Variants in RAD50 observed in about 807,000 individuals in gnomAD.
RAD50 encodes DNA repair protein RAD50.
RAD50 carries 132 observed loss-of-function variants against 168.8 expected under a neutral mutation model. The observed-to-expected ratio is 0.78, with a 90% CI of 0.68 to 0.90. The LOEUF (loss-of-function observed/expected upper bound fraction) is 0.90. Among genes scored for constraint, RAD50 ranks in the 40% least tolerant of loss-of-function variants. The probability of loss-of-function intolerance (pLI) is 0.00; values close to 1 mark genes in which losing one functional copy is unlikely to be tolerated. For missense variants in RAD50, 1,347 were observed against 1,534.4 expected (o/e 0.88, Z 2.04); for synonymous variants, 525 against 497.4 (o/e 1.06, Z -0.74).
chr5:132,607,404 T>A lies in RAD50; in HGVS notation c.2719-1211T>A, dbSNP rs140744914. On this transcript the variant is annotated intron_variant, in intron 16 of 24. Transcript: ENST00000378823. ...AGTTGCCACTGGAATGCATTTGACA[T>A]CCCTTATATAGATTAATCACATCTA... Among the ~76,000 whole-genome samples, 287 of 152,310 alleles carry A rather than the reference T, an allele frequency of 1.9e-3. 1 individual carries two copies. Among genetic ancestry groups the A allele is most frequent in the Admixed American group, 3.3e-3 (50 of 15,298 alleles).
chr5:132,641,034 C>T (rs562191284), intron 24 of RAD50, among the ~76,000 whole-genome samples: 1 of 152,252 alleles, frequency 6.6e-6, no homozygotes, highest in Non-Finnish European at 1.5e-5. Context: ...CCAGACACAT[C>T]CTGCAGCTCC....
chr5:132,643,869 A>C lies in RAD50; in HGVS notation c.*1505A>C. On this transcript the variant is annotated 3_prime_UTR_variant, in exon 25 of 25. Transcript: ENST00000378823. ...TGAAAAATCTGTTGATAAATCCATC[A>C]CTATAATAAAACCGAAGGTGAAAAA... The C allele has an allele frequency of 4.3e-6, 1 of 231,898 alleles. No individual in the cohort carries two copies. The highest frequency in any genetic ancestry group is 8.5e-6 in the Non-Finnish European group (1 of 117,220). The allele number at this position is 231,898 out of a possible 1,614,324, so 14.4% of individuals were successfully genotyped here.
rs777145962 is a variant in RAD50 at position 132,589,818 on chromosome 5, A to G, written c.1433A>G (p.Asp478Gly). ...EGSSDRILEL[D>G]QELIKAEREL... Reference sequence around the variant, plus strand: ...TCTTCAGACAGGATTCTTGAACTGGACCAGGAGCTCATAAAAGCTGTAAGA... The same window carrying G: ...TCTTCAGACAGGATTCTTGAACTGGGCCAGGAGCTCATAAAAGCTGTAAGA... The change falls in exon 9 of 25, where the codon GAC becomes GGC. Residue 478 changes from aspartate (D) to glycine (G), a missense_variant. Transcript: ENST00000378823. The G allele has an allele frequency of 6.2e-7, 1 of 1,612,778 alleles. No individual in the cohort carries two copies. The highest frequency in any genetic ancestry group is 1.7e-5 in the Admixed American group (1 of 60,014).
At chr5:132,607,531 ATAAATTT>A in intron 16 of RAD50, among the ~76,000 whole-genome samples, 1 of 152,312 alleles carries the variant, frequency 6.6e-6, no homozygotes, top group Non-Finnish European at 1.5e-5. Flanking sequence ...AATAATTACT[ATAAATTT>A]TTATTAAATT....
rs1268986177 is a variant in RAD50, at chr5:132,637,341, T to G, written c.3475+141T>G. Reference sequence around the variant, plus strand: ...TTGAGATTTTCTAAGAATTCTTATCTTGGCAACATCTTGTAGCAAGAAAAT... The same window carrying G: ...TTGAGATTTTCTAAGAATTCTTATCGTGGCAACATCTTGTAGCAAGAAAAT... On this transcript the variant is annotated intron_variant, in intron 22 of 24. Coordinates refer to ENST00000378823, the MANE Select transcript of RAD50 (RefSeq NM_005732.4). 3.4e-6 allele frequency: 5 copies of G among 1,450,516 alleles called. No individual in the cohort carries two copies. The African/African-American group carries it at 5.7e-5, about 17-fold the overall frequency. 89.9% of individuals were successfully genotyped at this position (1,450,516 alleles called of 1,614,324 possible). A position where few individuals can be genotyped will look rare whatever the true frequency, so the allele number is the denominator to read the frequency against.
chr5:132,595,003 A>G lies in RAD50; in HGVS notation c.1928A>G (p.Asp643Gly), dbSNP rs1750764737. Residue 643 changes from aspartate to glycine, a missense_variant, in exon 12 of 25, where the codon GAC becomes GGC. By Grantham distance (94) the Asp-to-Gly change is moderately conservative (BLOSUM62 -1). Coordinates refer to ENST00000378823, the MANE Select transcript of RAD50 (RefSeq NM_005732.4). ...AGCCAGGATTTTGAAAGTGATTTAG[A>G]CAGGCTTAAAGAGGAAATTGAAAAA... is the stretch of plus-strand genomic sequence containing the variant. ...CGSQDFESDL[D>G]RLKEEIEKSS... 2 of 1,613,920 alleles carry G rather than the reference A, an allele frequency of 1.2e-6. No individual in the cohort carries two copies. Among genetic ancestry groups the G allele is most frequent in the Non-Finnish European group, 1.7e-6 (2 of 1,179,810 alleles).
intron 11 of RAD50, 104 bp downstream of exon 11, chr5:132,592,138 A>G (rs1750713357): frequency 7.8e-7 from 1 of 1,285,142 alleles, no homozygotes; most frequent in Non-Finnish European, 1.1e-6. Flanking sequence ...TGTTATATTG[A>G]TAAACTTTAG....
intron 5 of RAD50, among the ~76,000 whole-genome samples, chr5:132,583,046 A>G (rs1459545735): frequency 6.6e-6 from 1 of 152,196 alleles, no homozygotes; most frequent in African/African-American, 2.4e-5. Flanking sequence ...AAAGAAACTG[A>G]GCACTTTGTA....
intron 2 of RAD50, among the ~76,000 whole-genome samples, chr5:132,573,030 G>A (rs1475509021): frequency 6.6e-6 from 1 of 152,148 alleles, no homozygotes; most frequent in Non-Finnish European, 1.5e-5. Flanking sequence ...GGAACAACTG[G>A]CAAAACTTGA....
At position 132,588,827 on chromosome 5, in the gene RAD50, A is replaced by G. The variant is rs756173890; in HGVS notation, c.1192A>G (p.Lys398Glu). 1.9e-5 allele frequency: 30 copies of G among 1,613,972 alleles called. No individual in the cohort carries two copies. Among genetic ancestry groups the G allele is most frequent in the Non-Finnish European group, 2.4e-5 (28 of 1,179,972 alleles). Residue 398 changes from lysine (K) to glutamate (E), a missense_variant, in exon 8 of 25, where the codon AAA becomes GAA. Physicochemically the swap from Lys to Glu is moderately conservative, Grantham distance 56 (BLOSUM62 1). Transcript: ENST00000378823. Reference protein sequence around the residue: ...FSERQIKNFHKLVRERQEGEA... With the variant: ...FSERQIKNFHELVRERQEGEA... ...TGAAAGACAGATTAAAAATTTTCAC[A>G]AACTTGTGAGAGAGAGACAAGAAGG...
chr5:132,575,687 T>A (rs1448558345), intron 2 of RAD50, 90 bp from the exon 3 acceptor site: 8 of 1,281,950 alleles, frequency 6.2e-6, no homozygotes, highest in Non-Finnish European at 7.9e-6. Flanking sequence ...TGTTCCCTCA[T>A]TTTGGGTAAG....
chr5:132,591,844 T>G, intron 10 of RAD50, 33 bp from the exon 11 acceptor site: 1 of 1,518,468 alleles, frequency 6.6e-7, no homozygotes, highest in South Asian at 1.2e-5. Context: ...AGATATAGAC[T>G]TTATTTTTAA....
chr5:132,642,600 A>G lies in RAD50; in HGVS notation c.*236A>G. On this transcript the variant is annotated 3_prime_UTR_variant, in exon 25 of 25. Transcript: ENST00000378823. ...CATCCCATTCCAGGCAGCCTCTGTC[A>G]GGCCTTCAGGGTTCAGCAGTACAGC... The G allele has an allele frequency of 1.8e-6, 1 of 560,812 alleles. No individual in the cohort carries two copies. The highest frequency in any genetic ancestry group is 3.1e-5 in the East Asian group (1 of 32,624). The allele number at this position is 560,812 out of a possible 1,614,324, so 34.7% of individuals were successfully genotyped here.
Position 132,618,212 on chromosome 5 carries a change from A to G in RAD50, c.3307A>G (p.Lys1103Glu). Residue 1103 changes from lysine to glutamate, a missense_variant, in exon 21 of 25, where the codon AAG becomes GAG. Physicochemically the swap from Lys to Glu is moderately conservative, Grantham distance 56 (BLOSUM62 1). Around this residue, in one of 3 missense-constraint regions of RAD50, gnomAD observed 635 missense variants for 739.2 expected, o/e 0.86. Transcript: ENST00000378823. The part of the protein sequence containing the change: ...REPQFRDAEE[K>E]YREMMIVMRT... ...ACCACAATTTCGGGATGCTGAGGAAAAGTATAGAGAAATGATGATTGTTAT... is the reference window on the plus strand; with the variant it reads ...ACCACAATTTCGGGATGCTGAGGAAGAGTATAGAGAAATGATGATTGTTAT... 1 of 1,614,032 alleles carries G rather than the reference A, an allele frequency of 6.2e-7. No homozygotes were observed. The highest frequency in any genetic ancestry group is 8.5e-7 in the Non-Finnish European group (1 of 1,179,970).
intron 13 of RAD50, among the ~76,000 whole-genome samples, chr5:132,597,785 A>G (rs1248275934): frequency 1.3e-5 from 2 of 152,218 alleles, no homozygotes; most frequent in South Asian, 4.1e-4. Flanking sequence ...TTATGCAACA[A>G]TAGATAACCA....
intron 21 of RAD50, among the ~76,000 whole-genome samples, chr5:132,625,350 T>G (rs1448339689): frequency 6.6e-6 from 1 of 152,096 alleles, no homozygotes; most frequent in African/African-American, 2.4e-5. Context: ...CCTCCCAAAG[T>G]GCTGGGATTA....
At chr5:132,596,161 T>G (rs556462727) in intron 13 of RAD50, among the ~76,000 whole-genome samples, 2 of 152,250 alleles carry the variant, frequency 1.3e-5, no homozygotes, top group South Asian at 4.2e-4. Flanking sequence ...GCCCAGCTAA[T>G]TTTTGTAATT....
chr5:132,625,175 C>T (rs1751351607), intron 21 of RAD50, among the ~76,000 whole-genome samples: 1 of 150,332 alleles, frequency 6.7e-6, no homozygotes, highest in Non-Finnish European at 1.5e-5. Flanking sequence ...CAAGCTCCGC[C>T]TCCCGGGTTC....
At chr5:132,557,980 A>C (rs1180090692) in intron 1 of RAD50, among the ~76,000 whole-genome samples, 2 of 152,196 alleles carry the variant, frequency 1.3e-5, no homozygotes, top group African/African-American at 4.8e-5. Context: ...AACTCAGTCA[A>C]AAATTTAACG....
Sources: gnomAD v4.1 joint callset for allele counts (sites outside exome capture counted in the v4.1 genomes callset) on GRCh38, gnomAD v4.1.1 for gene constraint, gnomAD v4.1.1 regional missense constraint, MANE v1.5 for transcripts, NCBI Gene and HGNC (gene_info 2026-07-23, HGNC 2026-07-21) for gene names.